The following MLC1 variants were observed in gnomAD, a reference collection of about 807,000 sequenced individuals.
The protein encoded by MLC1 is modulator of VRAC current 1, also known as membrane protein MLC1.
MLC1 carries 32 observed loss-of-function variants against 44.7 expected under a neutral mutation model. The observed-to-expected ratio is 0.72, with a 90% CI of 0.54 to 0.96. The LOEUF (loss-of-function observed/expected upper bound fraction) is 0.96. MLC1 is among the 40% of genes least tolerant of loss of function. The probability of loss-of-function intolerance (pLI) is 0.00; values close to 1 mark genes in which losing one functional copy is unlikely to be tolerated. For missense variants in MLC1, 459 were observed against 492.2 expected (o/e 0.93, Z 0.64); for synonymous variants, 190 against 213.0 (o/e 0.89, Z 0.94).
At chr22:50,084,119 G>T (rs573808738) in intron 2 of MLC1, among the ~76,000 whole-genome samples, 56 of 152,260 alleles carry the variant, frequency 3.7e-4, no homozygotes, top group African/African-American at 1.3e-3. Context: ...CCTGCATAGA[G>T]GCCTGTCCTG....
At position 50,074,238 on chromosome 22, in the gene MLC1, G is replaced by C. The variant is rs199773674; in HGVS notation, c.692C>G (p.Thr231Arg). Reference protein sequence around the residue: ...DSVSGPHLSVTFFWILVACFP... With the variant: ...DSVSGPHLSVRFFWILVACFP... ...CACGGCCACTAGGATCCAAAAGAAC[G>C]TCACTGAGAGGTGTGGGCCTGAAAC... Residue 231 changes from threonine to arginine, a missense_variant, in exon 8 of 12, where the codon ACG becomes AGG. Coordinates refer to ENST00000311597, the MANE Select transcript of MLC1 (RefSeq NM_015166.4). The C allele has an allele frequency of 8.1e-6, 13 of 1,613,658 alleles. No individual in the cohort carries two copies. In the East Asian group the frequency reaches 1.8e-4, roughly 22 times the overall value.
chr22:50,085,372 C>T lies in MLC1; in HGVS notation c.-77G>A, dbSNP rs938802386. 2 of 245,348 alleles carry T rather than the reference C, an allele frequency of 8.2e-6. No individual in the cohort carries two copies. The highest frequency in any genetic ancestry group is 6.5e-5 in the South Asian group (1 of 15,388). The allele number at this position is 245,348 out of a possible 1,614,324, so 15.2% of individuals were successfully genotyped here. On this transcript the variant is annotated 5_prime_UTR_variant, in exon 1 of 12. Transcript: ENST00000311597. ...GCACTTACCTCCCCCGCTGCTCTGC[C>T]GTTGGGAGCACTGGTCTCTGGGTGA...
In MLC1 at chr22:50,064,025, G is replaced by A. The variant is rs768664455; in HGVS notation, c.1059+9C>T. On this transcript the variant is annotated intron_variant, in intron 11 of 11. Coordinates refer to ENST00000311597, the MANE Select transcript of MLC1 (RefSeq NM_015166.4). ...TCCCCAGTGCCCCCTCCCCCTGCAG[G>A]CCACTCACCTCCCCAGCCAGGCGCT... 4 of 1,593,054 alleles carry A rather than the reference G, an allele frequency of 2.5e-6. No homozygotes were observed. The highest frequency in any genetic ancestry group is 3.4e-6 in the Non-Finnish European group (4 of 1,173,848).
At chr22:50,068,690 C>T in intron 9 of MLC1, 135 bp from the exon 10 acceptor site, 1 of 886,264 alleles carries the variant, frequency 1.1e-6, no homozygotes, top group Non-Finnish European at 1.8e-6. Flanking sequence ...CTGCATGACT[C>T]CTGCTGAAAC....
rs776361399 is a variant in MLC1, at chr22:50,077,390, G to T, written c.525+11C>A. 3 of 1,612,040 alleles carry T rather than the reference G, an allele frequency of 1.9e-6. No individual in the cohort carries two copies. The highest frequency in any genetic ancestry group is 1.7e-4 in the Middle Eastern group (1 of 6,030). ...CACCCCCTGCCCTGCGGGGTCAGAA[G>T]CTGCACCCACCTTCTTTTTCTTGCA... On this transcript the variant is annotated intron_variant, in intron 6 of 11. Coordinates refer to ENST00000311597, the MANE Select transcript of MLC1 (RefSeq NM_015166.4).
intron 2 of MLC1, among the ~76,000 whole-genome samples, chr22:50,084,518 G>A (rs1470499748): frequency 6.6e-6 from 1 of 152,246 alleles, no homozygotes; most frequent in Non-Finnish European, 1.5e-5. Context: ...GCAGCTCAAG[G>A]CTGGCACAAC....
intron 10 of MLC1, among the ~76,000 whole-genome samples, chr22:50,066,368 C>A (rs1323179448): frequency 6.6e-6 from 1 of 150,688 alleles, no homozygotes; most frequent in Non-Finnish European, 1.5e-5. Context: ...AACTAAAAAG[C>A]GAGGTATATG....
chr22:50,071,289 G>A (rs966424374), intron 8 of MLC1, among the ~76,000 whole-genome samples: 3 of 151,906 alleles, frequency 2.0e-5, no homozygotes, highest in Non-Finnish European at 2.9e-5. Flanking sequence ...ACGGGGTTTC[G>A]CCTTGTTGGC....
intron 5 of MLC1, among the ~76,000 whole-genome samples, chr22:50,077,968 A>G (rs1465583608): frequency 6.6e-6 from 1 of 151,828 alleles, no homozygotes; most frequent in Non-Finnish European, 1.5e-5. Flanking sequence ...TACATTTTAA[A>G]AAGTCAGTGT....
At chr22:50,079,275 T>C (rs895464498) in intron 5 of MLC1, among the ~76,000 whole-genome samples, 2 of 151,284 alleles carry the variant, frequency 1.3e-5, no homozygotes, top group African/African-American at 4.8e-5. Flanking sequence ...CAGAGCGAGA[T>C]TCCTTCTCAA....
rs886057625 is a variant in MLC1, at chr22:50,084,829, G to C, written c.74C>G (p.Pro25Arg). ...MPTLERGRQD[P>R]ASYAPDAKPS... Reference sequence around the variant, plus strand: ...CTTCGCGTCTGGGGCATAGCTGGCGGGGTCTTGCCGGCCCCGCTCCAGCGT... The same window carrying C: ...CTTCGCGTCTGGGGCATAGCTGGCGCGGTCTTGCCGGCCCCGCTCCAGCGT... The change falls in exon 2 of 12, where the codon CCC (proline) becomes CGC (arginine). Residue 25 changes from proline to arginine, a missense_variant. Transcript: ENST00000311597. 6.2e-7 allele frequency: 1 copy of C among 1,613,826 alleles called. No homozygotes were observed.
In MLC1 at chr22:50,061,563, C is replaced by G; in HGVS notation, c.*20G>C. On this transcript the variant is annotated 3_prime_UTR_variant, in exon 12 of 12. Coordinates refer to ENST00000311597, the MANE Select transcript of MLC1 (RefSeq NM_015166.4). The stretch of plus-strand genomic sequence containing the variant: ...TTGGGGCCAGGCTGGGCGCTGCCAC[C>G]CGGTTTCCGCGTCTGGGGGTCACTG... 2 of 1,612,628 alleles carry G rather than the reference C, an allele frequency of 1.2e-6. No individual in the cohort carries two copies. Among genetic ancestry groups the G allele is most frequent in the Non-Finnish European group, 1.7e-6 (2 of 1,179,364 alleles).
chr22:50,083,099 G>C lies in MLC1; in HGVS notation c.252C>G (p.Arg84=). The change falls in exon 3 of 12, where the codon CGC becomes CGG. Residue 84 remains arginine (R), a synonymous_variant. Coordinates refer to ENST00000311597, the MANE Select transcript of MLC1 (RefSeq NM_015166.4). This position sits in a 1 kb window ranked among gnomAD's most constrained non-coding sequence, Gnocchi z 4.6. The part of the protein sequence containing the change: ...NVFPAEMDYL[R]CAAGSCIPSA... ...AGCTGCTTACAGAGCCTGCAGCACA[G>C]CGCAAGTAATCCATCTCAGCCGGGA... 6.2e-7 allele frequency: 1 copy of C among 1,614,098 alleles called. No homozygotes were observed. The highest frequency in any genetic ancestry group is 8.5e-7 in the Non-Finnish European group (1 of 1,180,024).
chr22:50,062,915 G>T (rs944254222), intron 11 of MLC1, among the ~76,000 whole-genome samples: 3 of 152,224 alleles, frequency 2.0e-5, no homozygotes, highest in African/African-American at 7.2e-5. Context: ...AGTAGGCAGG[G>T]CCCGGGGGAA....
chr22:50,082,184 C>A (rs1259362060), intron 3 of MLC1, among the ~76,000 whole-genome samples: 1 of 89,794 alleles, frequency 1.1e-5, no homozygotes, highest in Admixed American at 1.3e-4. Context: ...CCGCGGCTTG[C>A]GGGCCAGAGG....
At chr22:50,063,913 C>T in intron 11 of MLC1, 121 bp downstream of exon 11, 1 of 1,172,908 alleles carries the variant, frequency 8.5e-7, no homozygotes, top group Non-Finnish European at 1.2e-6. Flanking sequence ...CGGCTGGGCA[C>T]CCCTGTGGGC....
At chr22:50,079,635 C>G (rs2062068637) in intron 5 of MLC1, among the ~76,000 whole-genome samples, 1 of 149,704 alleles carries the variant, frequency 6.7e-6, no homozygotes, top group African/African-American at 2.5e-5. Flanking sequence ...CATTGAACAA[C>G]TGTCTTACAC....
In MLC1 at chr22:50,083,205, A is replaced by T. The variant is rs1366849085; in HGVS notation, c.178-32T>A. ...GACAGCGACAGAATCCCAGGTTACA[A>T]CGCGCCCCGTCCCCAGGCTGGACCC... On this transcript the variant is annotated intron_variant, in intron 2 of 11. Transcript: ENST00000311597. The surrounding 1 kb of genome is among the most constrained non-coding windows in gnomAD (Gnocchi z 4.6). 6.3e-7 allele frequency: 1 copy of T among 1,587,376 alleles called. No homozygotes were observed. The highest frequency in any genetic ancestry group is 1.1e-5 in the South Asian group (1 of 90,478).
intron 9 of MLC1, among the ~76,000 whole-genome samples, chr22:50,069,061 G>A (rs963985226): frequency 6.6e-6 from 1 of 150,702 alleles, no homozygotes; most frequent in Non-Finnish European, 1.5e-5. Flanking sequence ...CAGCCTAGCT[G>A]TGTAGCCCAG....
Sources: gnomAD v4.1 joint callset for allele counts (sites outside exome capture counted in the v4.1 genomes callset) on GRCh38, gnomAD v4.1.1 for gene constraint, Gnocchi (gnomAD v3.1) non-coding constraint, MANE v1.5 for transcripts, NCBI Gene and HGNC (gene_info 2026-07-23, HGNC 2026-07-21) for gene names.